The following SNAP91 variants were observed in gnomAD, a reference collection of about 807,000 sequenced individuals.
SNAP91 encodes the protein synaptosome associated protein 91, also known as clathrin coat assembly protein AP180.
In SNAP91, 27 loss-of-function variants were observed where a neutral mutation model predicts 100.3. That is an observed-to-expected ratio of 0.27 (90% confidence interval 0.20 to 0.37). The LOEUF is 0.37. Ranked by LOEUF, SNAP91 falls within the 10% of genes least tolerant of loss-of-function variation. The probability of loss-of-function intolerance (pLI) is 1.00; values close to 1 mark genes in which losing one functional copy is unlikely to be tolerated. For missense variants in SNAP91, 986 were observed against 1,123.7 expected (o/e 0.88, Z 1.75); for synonymous variants, 404 against 398.6 (o/e 1.01, Z -0.16).
intron 3 of SNAP91, among the ~76,000 whole-genome samples, chr6:83,662,873 A>C (rs1211525258): frequency 6.6e-6 from 1 of 152,024 alleles, no homozygotes; most frequent in Non-Finnish European, 1.5e-5. Context: ...GGCATATCTC[A>C]TTTTATTGAG....
chr6:83,561,321 A>C (rs1469813223), intron 26 of SNAP91, among the ~76,000 whole-genome samples: 1 of 152,242 alleles, frequency 6.6e-6, no homozygotes, highest in Non-Finnish European at 1.5e-5. Flanking sequence ...CTGGGATTAC[A>C]GGCATGAGCC....
At chr6:83,590,629 C>T (rs893283737) in intron 22 of SNAP91, among the ~76,000 whole-genome samples, 1 of 151,946 alleles carries the variant, frequency 6.6e-6, no homozygotes, top group Admixed American at 6.6e-5. Flanking sequence ...GTAACAGTTT[C>T]TCTTGGAGTG....
chr6:83,624,752 G>C (rs938167460), intron 8 of SNAP91, among the ~76,000 whole-genome samples: 40 of 152,116 alleles, frequency 2.6e-4, no homozygotes, highest in African/African-American at 9.4e-4. Context: ...GAGGAGGGGA[G>C]GGAAGCAAAG....
At chr6:83,579,340 T>C (rs1347308514) in intron 24 of SNAP91, among the ~76,000 whole-genome samples, 1 of 152,156 alleles carries the variant, frequency 6.6e-6, no homozygotes, top group African/African-American at 2.4e-5. Flanking sequence ...CATTATAGTA[T>C]GCAGAGAAAG....
intron 2 of SNAP91, among the ~76,000 whole-genome samples, chr6:83,673,694 A>G (rs930487746): frequency 6.6e-6 from 1 of 152,210 alleles, no homozygotes. Context: ...AGCACAAATG[A>G]CAGACATTAA....
At chr6:83,574,807 C>T (rs923156974) in intron 26 of SNAP91, among the ~76,000 whole-genome samples, 10 of 151,918 alleles carry the variant, frequency 6.6e-5, no homozygotes, top group Admixed American at 2.0e-4. Context: ...TCCCACTTCC[C>T]GCAGCAAAAC....
At position 83,570,636 on chromosome 6, in the gene SNAP91, G is replaced by A. The variant is rs776795843; in HGVS notation, c.2442+4374C>T. ...CTAGGGACCTGGTGCCCAGTGTCCC[G>A]GCTGCTCCAGCTGTGACTCAAAGGG... is the stretch of plus-strand genomic sequence containing the variant. On this transcript the variant is annotated intron_variant, in intron 26 of 29. Transcript: ENST00000369694. Among the ~76,000 whole-genome samples, 18 of 152,184 alleles carry A rather than the reference G, an allele frequency of 1.2e-4. No homozygotes were observed. In the Middle Eastern group the frequency reaches 0.014, roughly 115 times the overall value.
At chr6:83,669,068 G>A (rs1211313328) in intron 2 of SNAP91, among the ~76,000 whole-genome samples, 1 of 152,010 alleles carries the variant, frequency 6.6e-6, no homozygotes, top group Non-Finnish European at 1.5e-5. Flanking sequence ...AATATGTCAT[G>A]TAATTTATTG....
chr6:83,575,488 T>C (rs960732130), intron 25 of SNAP91: 5 of 263,210 alleles, frequency 1.9e-5, no homozygotes, highest in Admixed American at 1.7e-4. Context: ...GCACTGATGA[T>C]GGCACTTTCT....
rs1282816389 is a variant in SNAP91, at chr6:83,623,442, T to C, written c.766-100A>G. 1.4e-5 allele frequency: 11 copies of C among 781,908 alleles called. No homozygotes were observed. The East Asian group carries it at 2.4e-4, about 17-fold the overall frequency. The allele number at this position is 781,908 out of a possible 1,614,324, so 48.4% of individuals were successfully genotyped here. Reference sequence around the variant, plus strand: ...ACAATTAGTTTAAACAGCTCAATATTGGTGTAAATGAATTATTTTATGTAT... The same window carrying C: ...ACAATTAGTTTAAACAGCTCAATATCGGTGTAAATGAATTATTTTATGTAT... On this transcript the variant is annotated intron_variant, in intron 8 of 29. Transcript: ENST00000369694.
At chr6:83,656,905 TAA>T (rs757747239) in intron 6 of SNAP91, 40 bp from the exon 7 acceptor site, 17 of 913,514 alleles carry the variant, frequency 1.9e-5, no homozygotes, top group Middle Eastern at 2.6e-4. Context: ...GGCATATCAT[TAA>T]GTCTTAATTT....
rs115882796 is a variant in SNAP91, at chr6:83,663,291, A to C, written c.274-869T>G. Among the ~76,000 whole-genome samples, 49 of 152,302 alleles carry C rather than the reference A, an allele frequency of 3.2e-4. 3 individuals carry two copies. In the South Asian group the frequency reaches 9.3e-3, roughly 29 times the overall value. On this transcript the variant is annotated intron_variant, in intron 3 of 29. Transcript: ENST00000369694. Reference sequence around the variant, plus strand: ...GAAGAGTCACACATCTCTCACTTTAAGTCAAGAGCTAGAAGTGATTAAGCT... The same window carrying C: ...GAAGAGTCACACATCTCTCACTTTACGTCAAGAGCTAGAAGTGATTAAGCT...
At chr6:83,592,423 T>G in intron 21 of SNAP91, 32 bp downstream of exon 21, 3 of 1,410,372 alleles carry the variant, frequency 2.1e-6, no homozygotes, top group Non-Finnish European at 1.9e-6. Context: ...AAAAAAAGAT[T>G]CCTTAAGTGT....
intron 22 of SNAP91, among the ~76,000 whole-genome samples, chr6:83,590,768 T>C (rs1290350059): frequency 6.6e-6 from 1 of 152,098 alleles, no homozygotes; most frequent in Non-Finnish European, 1.5e-5. Flanking sequence ...TTAAATAATT[T>C]AAAGGAAACA....
chr6:83,593,029 GAAAC>G lies in SNAP91; in HGVS notation c.1775-16_1775-13del. 6.4e-7 allele frequency: 1 copy of G among 1,571,340 alleles called. No homozygotes were observed. The highest frequency in any genetic ancestry group is 1.4e-5 in the African/African-American group (1 of 73,970). ...AGAGGAGAAAGCATCTTCCAAAAGT[GAAAC>G]AAACCAAAACCAAGCAGAGGTAAGT... On this transcript the variant is annotated splice_polypyrimidine_tract_variant and intron_variant, in intron 19 of 29. Coordinates refer to ENST00000369694, the MANE Select transcript of SNAP91 (RefSeq NM_001242792.2).
chr6:83,575,426 C>A, intron 25 of SNAP91: 1 of 367,332 alleles, frequency 2.7e-6, no homozygotes. Flanking sequence ...ATTAAAAATG[C>A]AAATAAATAT....
intron 7 of SNAP91, among the ~76,000 whole-genome samples, chr6:83,648,178 A>G (rs377622654): frequency 6.6e-6 from 1 of 152,062 alleles, no homozygotes; most frequent in African/African-American, 2.4e-5. Context: ...GTTAGTTTGC[A>G]TTTTCTAAAA....
chr6:83,571,549 C>T (rs907801076), intron 26 of SNAP91, among the ~76,000 whole-genome samples: 8 of 152,202 alleles, frequency 5.3e-5, no homozygotes, highest in Non-Finnish European at 8.8e-5. Flanking sequence ...CAATTTCTCC[C>T]ATTTGGAATG....
chr6:83,591,354 G>A, intron 21 of SNAP91, 60 bp from the exon 22 acceptor site: 2 of 1,068,508 alleles, frequency 1.9e-6, no homozygotes, highest in East Asian at 2.4e-5. Flanking sequence ...AGTACAGTAA[G>A]TAATTTAAGT....
Sources: allele counts gnomAD v4.1 joint callset (sites outside exome capture counted in the v4.1 genomes callset), GRCh38; gene constraint gnomAD v4.1.1; transcripts MANE v1.5; gene names NCBI Gene and HGNC (gene_info 2026-07-23, HGNC 2026-07-21).